The following ZNF638 variants were observed in gnomAD, a reference collection of about 807,000 sequenced individuals.
ZNF638 encodes the protein zinc finger protein 638, also known as CTCL tumor antigen se33-1.
In ZNF638, 46 loss-of-function variants were observed where a neutral mutation model predicts 195.6. The ratio of observed to expected loss-of-function variants is 0.24; its 90% CI spans 0.19 to 0.30. ZNF638 has a LOEUF of 0.30. Ranked by LOEUF, ZNF638 falls within the 10% of genes least tolerant of loss-of-function variation. ZNF638 has a pLI of 1.00. For missense variants in ZNF638, 2,440 were observed against 2,325.3 expected (o/e 1.05, Z -1.01); for synonymous variants, 845 against 772.0 (o/e 1.09, Z -1.57).
intron 8 of ZNF638, among the ~76,000 whole-genome samples, chr2:71,376,475 T>TC (rs1197160951): frequency 6.6e-6 from 1 of 152,192 alleles, no homozygotes; most frequent in Admixed American, 6.5e-5. Context: ...TGTTACCACT[T>TC]CAAGTTTTTC....
At chr2:71,392,520 C>A (rs1374682906) in intron 10 of ZNF638, among the ~76,000 whole-genome samples, 1 of 152,184 alleles carries the variant, frequency 6.6e-6, no homozygotes, top group Non-Finnish European at 1.5e-5. Context: ...CGAGCCTACC[C>A]TGTGTACACC....
chr2:71,424,540 TG>T, intron 22 of ZNF638, 109 bp from the exon 23 acceptor site: 2 of 796,306 alleles, frequency 2.5e-6, no homozygotes, highest in South Asian at 3.6e-5. Context: ...CATAATTGAC[TG>T]TATTTGGGTA....
Position 71,368,529 on chromosome 2 carries a change from G to A in ZNF638, c.2142+1G>A. On this transcript the variant is annotated splice_donor_variant, in intron 7 of 27. Coordinates refer to ENST00000264447, the MANE Select transcript of ZNF638 (RefSeq NM_014497.5). LOFTEE classifies it high-confidence loss of function. ...CCTAATTGTTCCATATAGAAAAGAGGTGAGTCATTTAGTCTGTGGCAAAAA... is the reference window on the plus strand; with the variant it reads ...CCTAATTGTTCCATATAGAAAAGAGATGAGTCATTTAGTCTGTGGCAAAAA... 1 of 1,610,498 alleles carries A rather than the reference G, an allele frequency of 6.2e-7. No homozygotes were observed. Among genetic ancestry groups the A allele is most frequent in the Non-Finnish European group, 8.5e-7 (1 of 1,179,054 alleles).
intron 19 of ZNF638, among the ~76,000 whole-genome samples, chr2:71,407,055 T>C (rs889564248): frequency 1.1e-4 from 17 of 152,314 alleles, no homozygotes; most frequent in African/African-American, 4.1e-4. Flanking sequence ...CCAAAAATTA[T>C]TCATTTATTT....
Position 71,423,494 on chromosome 2 carries a change from G to A in ZNF638, c.3980G>A (p.Gly1327Glu). 1 of 1,613,884 alleles carries A rather than the reference G, an allele frequency of 6.2e-7. No individual in the cohort carries two copies. Among genetic ancestry groups the A allele is most frequent in the African/African-American group, 1.3e-5 (1 of 74,992 alleles). ...TKETRMDLQI[G>E]TEKAEKNEGR... ...GAAACCAGAATGGATCTTCAAATAG[G>A]AACAGAGAAGGCTGAAAAGAATGAA... Residue 1327 changes from glycine to glutamate, a missense_variant, in exon 22 of 28, where the codon GGA becomes GAA. Gly to Glu is a moderately conservative substitution (Grantham distance 98). Transcript: ENST00000264447.
intron 8 of ZNF638, chr2:71,376,450 G>T (rs1160148595): frequency 6.6e-6 from 1 of 152,126 alleles, no homozygotes; most frequent in Non-Finnish European, 1.5e-5. Flanking sequence ...GCAGGAAGGG[G>T]CAATCTTTTT....
chr2:71,423,905 C>G lies in ZNF638; in HGVS notation c.4391C>G (p.Thr1464Ser), dbSNP rs773039335. 1 of 1,614,024 alleles carries G rather than the reference C, an allele frequency of 6.2e-7. No homozygotes were observed. Among genetic ancestry groups the G allele is most frequent in the Non-Finnish European group, 8.5e-7 (1 of 1,179,998 alleles). ...SKFKPTQSSL[T>S]RGGSGRISAL... ...TTCAAACCTACTCAGAGCAGTCTTA[C>G]CAGAGGAGGCAGTGGAAGGATCTCA... The change falls in exon 22 of 28, where the codon ACC becomes AGC. Residue 1464 changes from threonine (T) to serine (S), a missense_variant. Physicochemically the swap from Thr to Ser is moderately conservative, Grantham distance 58. Transcript: ENST00000264447.
intron 10 of ZNF638, among the ~76,000 whole-genome samples, chr2:71,383,560 G>GTTTGTT (rs2079571507): frequency 1.4e-3 from 169 of 121,958 alleles, no homozygotes; most frequent in East Asian, 2.1e-3. Flanking sequence ...TTCCTGGGTG[G>GTTTGTT]TTTTTTTTTT....
chr2:71,348,324 T>C, intron 1 of ZNF638: 1 of 849,900 alleles, frequency 1.2e-6, no homozygotes, highest in Non-Finnish European at 1.4e-6. Flanking sequence ...ATGGGTCTTT[T>C]AGGCTTACAG....
At chr2:71,410,599 A>C (rs546678971) in intron 20 of ZNF638, among the ~76,000 whole-genome samples, 1 of 152,334 alleles carries the variant, frequency 6.6e-6, no homozygotes, top group South Asian at 2.1e-4. Flanking sequence ...TCAATGTCCT[A>C]GTTCTCAAGG....
chr2:71,397,211 C>A (rs945054144), intron 11 of ZNF638, among the ~76,000 whole-genome samples: 11 of 152,068 alleles, frequency 7.2e-5, no homozygotes, highest in African/African-American at 2.7e-4. Flanking sequence ...GATGGCCACC[C>A]CTTTACTTGC....
chr2:71,389,490 C>T (rs1456679941), intron 10 of ZNF638, among the ~76,000 whole-genome samples: 1 of 152,176 alleles, frequency 6.6e-6, no homozygotes, highest in Non-Finnish European at 1.5e-5. Flanking sequence ...CCAGTCAGTA[C>T]CTCCTCTGGA....
chr2:71,428,529 AG>A lies in ZNF638; in HGVS notation c.5546-16del. ...AATACTGTTACTAGAGCAATAAATT[AG>A]GACTTTCTTTTTAAAGCTAAAACTC... is the stretch of plus-strand genomic sequence containing the variant. On this transcript the variant is annotated splice_polypyrimidine_tract_variant and intron_variant, in intron 24 of 27. Coordinates refer to ENST00000264447, the MANE Select transcript of ZNF638 (RefSeq NM_014497.5). 1 of 1,591,624 alleles carries A rather than the reference AG, an allele frequency of 6.3e-7. No individual in the cohort carries two copies. Among genetic ancestry groups the A allele is most frequent in the Non-Finnish European group, 8.6e-7 (1 of 1,161,594 alleles).
At chr2:71,393,751 C>G in intron 10 of ZNF638, 1 of 636,438 alleles carries the variant, frequency 1.6e-6, no homozygotes, top group Non-Finnish European at 2.9e-6. Flanking sequence ...TTTCTTACGC[C>G]CTGTTACCTG....
rs746001307 is a variant in ZNF638 at position 71,380,549 on chromosome 2, T to A, written c.2361T>A (p.Val787=). 1.2e-6 allele frequency: 2 copies of A among 1,603,804 alleles called. No individual in the cohort carries two copies. The part of the protein sequence containing the change: ...DADASKAVEI[V]TSTSAAKTGQ... ...ATGCTTCAAAAGCTGTTGAAATTGT[T>A]ACTTCAACTTCTGCTGGTAAGTTGT... The change falls in exon 10 of 28, where the codon GTT becomes GTA. Residue 787 remains valine (V), a synonymous_variant. Transcript: ENST00000264447.
chr2:71,433,112 C>A, intron 26 of ZNF638, 53 bp from the exon 27 acceptor site: 1 of 1,301,516 alleles, frequency 7.7e-7, no homozygotes, highest in Non-Finnish European at 1.1e-6. Context: ...TCGATGAACA[C>A]AACTGGAGAT....
At chr2:71,417,042 A>T (rs895378880) in intron 20 of ZNF638, among the ~76,000 whole-genome samples, 6 of 131,208 alleles carry the variant, frequency 4.6e-5, no homozygotes, top group Non-Finnish European at 4.8e-5. Context: ...TTACCTAAGC[A>T]AGCCTGGGCA....
At chr2:71,388,896 C>T (rs543935150) in intron 10 of ZNF638, among the ~76,000 whole-genome samples, 36 of 152,274 alleles carry the variant, frequency 2.4e-4, no homozygotes, top group African/African-American at 8.4e-4. Context: ...GGTCCTAAGG[C>T]AAACTGTTGT....
At chr2:71,355,644 T>C (rs2079012258) in intron 2 of ZNF638, 75 bp from the exon 3 acceptor site, 4 of 1,004,140 alleles carry the variant, frequency 4.0e-6, no homozygotes, top group Non-Finnish European at 4.4e-6. Context: ...ATATTATTTG[T>C]CTTTTTTAAA....
Sources: gnomAD v4.1 joint callset for allele counts (sites outside exome capture counted in the v4.1 genomes callset) on GRCh38, gnomAD v4.1.1 for gene constraint, MANE v1.5 for transcripts, NCBI Gene and HGNC (gene_info 2026-07-23, HGNC 2026-07-21) for gene names.